The following MTUS2 variants were observed in gnomAD, a reference collection of about 807,000 sequenced individuals.
The protein encoded by MTUS2 is microtubule associated scaffold protein 2.
Under a neutral mutation model 114.1 loss-of-function variants are expected in MTUS2, and 40 were observed. The ratio of observed to expected loss-of-function variants is 0.35; its 90% CI spans 0.27 to 0.46. The LOEUF (loss-of-function observed/expected upper bound fraction) is 0.46. Ranked by LOEUF, MTUS2 falls within the 20% of genes least tolerant of loss-of-function variation. MTUS2 has a pLI of 1.00. For synonymous variants in MTUS2, 688 were observed against 672.0 expected, an observed-to-expected ratio of 1.02 and a Z score of -0.37; for missense variants, 1,679 against 1,705.4, an observed-to-expected ratio of 0.98 and a Z score of 0.27.
At chr13:29,124,667 G>C (rs1891443983) in intron 5 of MTUS2, among the ~76,000 whole-genome samples, 1 of 152,132 alleles carries the variant, frequency 6.6e-6, no homozygotes, top group South Asian at 2.1e-4. Context: ...ACAGTCAAGA[G>C]GTGGTAACAG....
At chr13:28,881,510 A>G (rs1353980921) in intron 2 of MTUS2, among the ~76,000 whole-genome samples, 2 of 152,170 alleles carry the variant, frequency 1.3e-5, no homozygotes, top group African/African-American at 4.8e-5. Context: ...GGATTGCTGG[A>G]TCATATGGCA....
intron 9 of MTUS2, among the ~76,000 whole-genome samples, chr13:29,478,012 C>CG (rs1566224935): frequency 6.6e-6 from 1 of 152,166 alleles, no homozygotes; most frequent in East Asian, 1.9e-4. Context: ...GCCAAACAGG[C>CG]ATAAGCTCAA....
chr13:29,216,451 GTCTTC>G (rs972681853), intron 5 of MTUS2, among the ~76,000 whole-genome samples: 1 of 152,206 alleles, frequency 6.6e-6, no homozygotes, highest in African/African-American at 2.4e-5. Context: ...CTAGCTCGGT[GTCTTC>G]CCCAATAGCT....
intron 2 of MTUS2, among the ~76,000 whole-genome samples, chr13:28,962,424 G>A (rs9506059): frequency 0.22 from 33,199 of 151,892 alleles, 4,020 homozygotes; most frequent in Non-Finnish European, 0.26. Context: ...AAGTTTACTG[G>A]TATATTGGCT....
intron 11 of MTUS2, chr13:29,488,275 A>C: frequency 2.2e-6 from 1 of 460,318 alleles, no homozygotes; most frequent in Non-Finnish European, 4.0e-6. Flanking sequence ...CAAAAGACCA[A>C]TGCCAGCCTC....
At chr13:29,002,554 GCA>G (rs1346237468) in intron 2 of MTUS2, among the ~76,000 whole-genome samples, 1 of 152,198 alleles carries the variant, frequency 6.6e-6, no homozygotes. Context: ...ACAGTTAATA[GCA>G]GGGACAGATG....
intron 4 of MTUS2, among the ~76,000 whole-genome samples, chr13:29,069,413 AC>A (rs1888808790): frequency 6.6e-6 from 1 of 152,178 alleles, no homozygotes; most frequent in South Asian, 2.1e-4. Flanking sequence ...ACCTTCGTCT[AC>A]CTTTTTGCTC....
At chr13:29,248,745 G>A (rs1897017032) in intron 5 of MTUS2, among the ~76,000 whole-genome samples, 1 of 152,176 alleles carries the variant, frequency 6.6e-6, no homozygotes, top group Admixed American at 6.5e-5. Context: ...TTCTGTTCCT[G>A]TGTTAGTTTG....
chr13:29,298,863 C>A (rs1899065452), intron 6 of MTUS2, among the ~76,000 whole-genome samples: 1 of 152,134 alleles, frequency 6.6e-6, no homozygotes, highest in South Asian at 2.1e-4. Context: ...AGATTTGACA[C>A]CAGAAGAGGC....
At chr13:29,279,708 G>GAAGT (rs1898195501) in intron 5 of MTUS2, among the ~76,000 whole-genome samples, 1 of 152,118 alleles carries the variant, frequency 6.6e-6, no homozygotes, top group African/African-American at 2.4e-5. Flanking sequence ...CCCTCAGAGG[G>GAAGT]AAGTACATAG....
chr13:28,866,948 C>T (rs1351492220), intron 2 of MTUS2, among the ~76,000 whole-genome samples: 2 of 152,122 alleles, frequency 1.3e-5, no homozygotes, highest in Non-Finnish European at 2.9e-5. Flanking sequence ...GCAGTAGGAT[C>T]GTGAATAAAT....
chr13:28,862,810 T>G (rs775864547), intron 2 of MTUS2, among the ~76,000 whole-genome samples: 3 of 152,154 alleles, frequency 2.0e-5, no homozygotes, highest in Admixed American at 1.3e-4. Flanking sequence ...AAGGAAAAAT[T>G]AGAATAAAAA....
At chr13:28,902,329 T>C (rs956563661) in intron 2 of MTUS2, among the ~76,000 whole-genome samples, 1 of 152,312 alleles carries the variant, frequency 6.6e-6, no homozygotes, top group East Asian at 1.9e-4. Context: ...TGCCATATTT[T>C]GCTGGCTAGA....
chr13:28,897,399 G>C (rs1013675179), intron 2 of MTUS2, among the ~76,000 whole-genome samples: 18 of 152,190 alleles, frequency 1.2e-4, no homozygotes, highest in African/African-American at 4.1e-4. Flanking sequence ...TCAGGAAACA[G>C]CAGGTGCTGG....
intron 7 of MTUS2, among the ~76,000 whole-genome samples, chr13:29,356,037 A>C (rs1023313989): frequency 1.3e-5 from 2 of 152,176 alleles, no homozygotes; most frequent in Non-Finnish European, 2.9e-5. Flanking sequence ...GGCTGCCTGC[A>C]TGGTGAGGTC....
chr13:29,166,754 A>T, intron 5 of MTUS2, among the ~76,000 whole-genome samples: 1 of 152,236 alleles, frequency 6.6e-6, no homozygotes, highest in East Asian at 1.9e-4. Context: ...GCATTTAAAT[A>T]CTTGCCAGGT....
chr13:29,404,113 T>G (rs1874565034), intron 8 of MTUS2, among the ~76,000 whole-genome samples: 1 of 141,192 alleles, frequency 7.1e-6, no homozygotes, highest in Non-Finnish European at 1.5e-5. Context: ...TCTGACCATG[T>G]CCCTCCCCTA....
chr13:29,359,889 G>A (rs941105892), intron 8 of MTUS2, among the ~76,000 whole-genome samples: 13 of 152,114 alleles, frequency 8.5e-5, no homozygotes, highest in African/African-American at 3.1e-4. Context: ...CGTTCACGTC[G>A]GCTGTTGATG....
chr13:28,877,317 C>CA (rs59056880), intron 2 of MTUS2, among the ~76,000 whole-genome samples: 8,534 of 113,406 alleles, frequency 0.075, 372 homozygotes, highest in Non-Finnish European at 0.11. Flanking sequence ...GACTCCATCT[C>CA]AAAAAAAAAA....
Sources: allele counts gnomAD v4.1 joint callset (sites outside exome capture counted in the v4.1 genomes callset), GRCh38; gene constraint gnomAD v4.1.1; transcripts MANE v1.5; gene names NCBI Gene and HGNC (gene_info 2026-07-23, HGNC 2026-07-21).